Variants in CSGALNACT1 observed in about 807,000 individuals in gnomAD.
The protein encoded by CSGALNACT1 is beta4GalNAcT-1.
A neutral mutation model predicts 51.0 loss-of-function variants in CSGALNACT1; 52 were observed. The observed-to-expected ratio is 1.02, with a 90% CI of 0.82 to 1.29. The LOEUF is 1.29. CSGALNACT1 is among the 50% of genes most tolerant of loss of function. CSGALNACT1 has a pLI of 0.00. For missense variants in CSGALNACT1, 935 were observed against 679.2 expected, an observed-to-expected ratio of 1.38 and a Z score of -4.19; for synonymous variants, 341 against 254.4, an observed-to-expected ratio of 1.34 and a Z score of -3.24.
chr8:19,557,252 T>G (rs935205847), intron 3 of CSGALNACT1, among the ~76,000 whole-genome samples: 24 of 152,178 alleles, frequency 1.6e-4, no homozygotes, highest in African/African-American at 5.8e-4. Flanking sequence ...CTACCCATAA[T>G]TCCCTTGTCC....
At chr8:19,452,671 C>T (rs146391639) in intron 5 of CSGALNACT1, among the ~76,000 whole-genome samples, 33 of 152,196 alleles carry the variant, frequency 2.2e-4, no homozygotes, top group African/African-American at 3.1e-4. Flanking sequence ...GAGCTGGAGA[C>T]GTGAGTAAGT....
intron 1 of CSGALNACT1, among the ~76,000 whole-genome samples, chr8:19,674,971 G>A (rs11204060): frequency 0.34 from 51,816 of 152,068 alleles, 9,604 homozygotes; most frequent in Middle Eastern, 0.48. Context: ...ACCAAGGCAG[G>A]AGGTCAAGAA....
chr8:19,535,986 G>A (rs1258707171), intron 3 of CSGALNACT1, among the ~76,000 whole-genome samples: 1 of 151,962 alleles, frequency 6.6e-6, no homozygotes, highest in Non-Finnish European at 1.5e-5. Context: ...CAATGCAAGT[G>A]AAGAAAAAGA....
At chr8:19,662,681 T>A (rs1183118174) in intron 1 of CSGALNACT1, among the ~76,000 whole-genome samples, 3 of 152,226 alleles carry the variant, frequency 2.0e-5, no homozygotes. Context: ...TGCTAGGGTG[T>A]GTGTGGTAAA....
At chr8:19,445,896 T>C (rs1207092148) in intron 5 of CSGALNACT1, among the ~76,000 whole-genome samples, 1 of 152,136 alleles carries the variant, frequency 6.6e-6, no homozygotes, top group African/African-American at 2.4e-5. Context: ...TAAAGTAAGC[T>C]GGGCGTGGTG....
At chr8:19,428,926 A>C (rs1012045584) in intron 6 of CSGALNACT1, among the ~76,000 whole-genome samples, 9 of 151,864 alleles carry the variant, frequency 5.9e-5, no homozygotes, top group African/African-American at 2.2e-4. Context: ...TAAAATTCAC[A>C]CAACATAAAA....
intron 4 of CSGALNACT1, among the ~76,000 whole-genome samples, chr8:19,483,543 T>C (rs4922038): frequency 0.79 from 120,268 of 152,236 alleles, 47,687 homozygotes; most frequent in East Asian, 0.86. Context: ...CTCTGTCCTG[T>C]TCCCTTCTAT....
intron 1 of CSGALNACT1, among the ~76,000 whole-genome samples, chr8:19,608,979 C>T (rs2051796436): frequency 6.6e-6 from 1 of 152,120 alleles, no homozygotes; most frequent in Admixed American, 6.6e-5. Context: ...AAATGTATTA[C>T]TTTTTCTGTA....
chr8:19,446,548 G>T lies in CSGALNACT1; in HGVS notation c.852-6617C>A, dbSNP rs1313681642. Among the ~76,000 whole-genome samples the T allele has an allele frequency of 5.9e-5, 9 of 152,102 alleles. No individual in the cohort carries two copies. In the South Asian group the frequency reaches 6.2e-4, roughly 11 times the overall value. ...TCACTCATTCAGTTACTGAGAGAGA[G>T]TCTCGCTCTCTCACCCAGGCAACGG... On this transcript the variant is annotated intron_variant, in intron 5 of 9. Coordinates refer to ENST00000454498, the Ensembl canonical transcript of CSGALNACT1.
chr8:19,577,126 G>A (rs1481368047), intron 3 of CSGALNACT1, among the ~76,000 whole-genome samples: 2 of 152,250 alleles, frequency 1.3e-5, no homozygotes, highest in African/African-American at 2.4e-5. Flanking sequence ...CTTATGTGTC[G>A]TTCATCAAAG....
At chr8:19,733,249 T>G (rs1370634994) in intron 1 of CSGALNACT1, among the ~76,000 whole-genome samples, 2 of 152,198 alleles carry the variant, frequency 1.3e-5, no homozygotes. Context: ...ATCCCATCCC[T>G]ATATTCCAAG....
intron 4 of CSGALNACT1, among the ~76,000 whole-genome samples, chr8:19,478,686 G>A (rs1487961742): frequency 6.6e-6 from 1 of 152,124 alleles, no homozygotes; most frequent in Non-Finnish European, 1.5e-5. Context: ...TAGGAGTTAA[G>A]TGATGATAAA....
chr8:19,619,218 G>C (rs2053488627), intron 1 of CSGALNACT1, among the ~76,000 whole-genome samples: 1 of 135,940 alleles, frequency 7.4e-6, no homozygotes, highest in African/African-American at 2.7e-5. Context: ...TAAGAAATGG[G>C]AGACAGGAAA....
At chr8:19,619,777 T>C (rs1454095041) in intron 1 of CSGALNACT1, among the ~76,000 whole-genome samples, 1 of 152,108 alleles carries the variant, frequency 6.6e-6, no homozygotes, top group South Asian at 2.1e-4. Context: ...TGAATAAACA[T>C]TGATAACAAA....
chr8:19,484,369 G>T (rs889135031), intron 4 of CSGALNACT1, among the ~76,000 whole-genome samples: 2 of 152,066 alleles, frequency 1.3e-5, no homozygotes, highest in Non-Finnish European at 2.9e-5. Context: ...GTGTCCACTG[G>T]GGGTCTTGGA....
intron 9 of CSGALNACT1, among the ~76,000 whole-genome samples, chr8:19,407,519 G>A (rs946839643): frequency 1.8e-4 from 27 of 152,068 alleles, no homozygotes; most frequent in African/African-American, 6.0e-4. Context: ...TATCTCTTTC[G>A]AGATCCAAGA....
intron 3 of CSGALNACT1, among the ~76,000 whole-genome samples, chr8:19,510,762 G>T (rs565059608): frequency 1.3e-5 from 2 of 152,294 alleles, no homozygotes; most frequent in South Asian, 2.1e-4. Flanking sequence ...TAAGATAAAT[G>T]TTATGTGTCA....
chr8:19,428,220 CT>C (rs1185723758), intron 6 of CSGALNACT1, among the ~76,000 whole-genome samples: 1 of 152,172 alleles, frequency 6.6e-6, no homozygotes. Flanking sequence ...GCATCGGAGT[CT>C]GTATCAGTCT....
intron 4 of CSGALNACT1, among the ~76,000 whole-genome samples, chr8:19,471,381 T>G (rs1370258095): frequency 2.6e-5 from 4 of 152,196 alleles, no homozygotes; most frequent in African/African-American, 7.2e-5. Context: ...TTTTCATTCC[T>G]GTCTTCTTTT....
Sources: allele counts gnomAD v4.1 joint callset (sites outside exome capture counted in the v4.1 genomes callset), GRCh38; gene constraint gnomAD v4.1.1; transcripts MANE v1.5; gene names NCBI Gene and HGNC (gene_info 2026-07-23, HGNC 2026-07-21).